Variants in PTPRN2 observed in about 807,000 individuals in gnomAD.
The protein encoded by PTPRN2 is protein tyrosine phosphatase receptor type N2.
Under a neutral mutation model 118.8 loss-of-function variants are expected in PTPRN2, and 74 were observed. The ratio of observed to expected loss-of-function variants is 0.62; its 90% CI spans 0.52 to 0.76. PTPRN2 has a LOEUF of 0.76. PTPRN2 is among the 30% of genes least tolerant of loss of function. PTPRN2 has a pLI of 0.00. For synonymous variants in PTPRN2, 641 were observed against 608.0 expected (o/e 1.05, Z -0.80); for missense variants, 1,481 against 1,394.4 (o/e 1.06, Z -0.99).
chr7:158,020,144 G>A (rs77459415), intron 11 of PTPRN2, among the ~76,000 whole-genome samples: 2,250 of 152,270 alleles, frequency 0.015, 57 homozygotes, highest in African/African-American at 0.052. Flanking sequence ...CAGAGCCCAG[G>A]TGGGGTGACC....
At chr7:157,965,090 C>G (rs945328390) in intron 11 of PTPRN2, among the ~76,000 whole-genome samples, 2 of 152,272 alleles carry the variant, frequency 1.3e-5, no homozygotes, top group Middle Eastern at 3.4e-3. Flanking sequence ...AGAAAGGGAT[C>G]TCCAGACAGG....
intron 10 of PTPRN2, among the ~76,000 whole-genome samples, chr7:158,089,176 AC>A (rs369270003): frequency 8.3e-5 from 2 of 24,024 alleles, no homozygotes; most frequent in Non-Finnish European, 1.1e-4. Flanking sequence ...GTCTTCACAC[AC>A]ATCCTTCTTC....
In PTPRN2 at chr7:158,517,056, C is replaced by A. The variant is rs536282354; in HGVS notation, c.113-27271G>T. 1.1e-4 allele frequency among the ~76,000 whole-genome samples: 16 copies of A among 152,214 alleles called. No homozygotes were observed. The highest frequency in any genetic ancestry group is 1.3e-4 in the Admixed American group (2 of 15,284). ...ACTAGACCTGGGGCACCTTGGGCCC[C>A]AGCATGGTGCCTCACTGATTTTGGA... On this transcript the variant is annotated intron_variant, in intron 1 of 22. Coordinates refer to ENST00000389418, the MANE Select transcript of PTPRN2 (RefSeq NM_002847.5). This position sits in a 1 kb window ranked among gnomAD's most constrained non-coding sequence, Gnocchi z 5.3.
chr7:158,559,039 C>G (rs1279440659), intron 1 of PTPRN2, among the ~76,000 whole-genome samples: 2 of 152,170 alleles, frequency 1.3e-5, no homozygotes, highest in African/African-American at 4.8e-5. Flanking sequence ...AAACCCAGAC[C>G]CAGTGAGGCC....
chr7:158,468,823 C>CTGGT (rs1164432610), intron 2 of PTPRN2, among the ~76,000 whole-genome samples: 1 of 150,422 alleles, frequency 6.6e-6, no homozygotes, highest in East Asian at 2.0e-4. Context: ...ACGCACACTC[C>CTGGT]CGATCAACAA....
chr7:157,951,545 C>A (rs1800807687), intron 11 of PTPRN2, among the ~76,000 whole-genome samples: 1 of 152,180 alleles, frequency 6.6e-6, no homozygotes, highest in Non-Finnish European at 1.5e-5. Flanking sequence ...TCTGGGACCC[C>A]CCTTCCACTG....
chr7:158,587,547 C>T lies in PTPRN2; in HGVS notation c.112+11G>A. ...CATTGAGGCGCCCCTCCCCCGGCGC[C>T]CCCCACTCACCCAGACGCCCCGGGA... On this transcript the variant is annotated intron_variant, in intron 1 of 22. Coordinates refer to ENST00000389418, the MANE Select transcript of PTPRN2 (RefSeq NM_002847.5). 1 of 1,272,050 alleles carries T rather than the reference C, an allele frequency of 7.9e-7. No individual in the cohort carries two copies. 78.8% of individuals were successfully genotyped at this position (1,272,050 alleles called of 1,614,324 possible).
intron 1 of PTPRN2, among the ~76,000 whole-genome samples, chr7:158,523,513 C>CGTCTGCCCTGAAGCGGA (rs1824417632): frequency 7.8e-6 from 1 of 127,922 alleles, no homozygotes; most frequent in Non-Finnish European, 1.6e-5. Context: ...GGAGTGGAGT[C>CGTCTGCCCTGAAGCGGA]GTCTGCCCTG....
In PTPRN2 at chr7:157,590,555, G is replaced by A. The variant is rs186816941; in HGVS notation, c.2496+4683C>T. On this transcript the variant is annotated intron_variant, in intron 17 of 22. Coordinates refer to ENST00000389418, the MANE Select transcript of PTPRN2 (RefSeq NM_002847.5). This position sits in a 1 kb window ranked among gnomAD's most constrained non-coding sequence, Gnocchi z 4.0. ...CTGGTTCACTGCAGGAAAGCACCAT[G>A]TGTGCAGTGAGTGGTGACCCTCCGT... Among the ~76,000 whole-genome samples, 115 of 152,356 alleles carry A rather than the reference G, an allele frequency of 7.5e-4. No individual in the cohort carries two copies. Among genetic ancestry groups the A allele is most frequent in the Non-Finnish European group, 1.5e-4 (10 of 68,042 alleles).
chr7:157,999,147 G>T (rs1805026600), intron 11 of PTPRN2, among the ~76,000 whole-genome samples: 1 of 151,896 alleles, frequency 6.6e-6, no homozygotes, highest in South Asian at 2.1e-4. Flanking sequence ...CCCACAGCCA[G>T]CCCCTCACAC....
chr7:158,455,918 GACGCC>G (rs1818443969), intron 2 of PTPRN2, among the ~76,000 whole-genome samples: 1 of 146,712 alleles, frequency 6.8e-6, no homozygotes, highest in African/African-American at 2.6e-5. Flanking sequence ...TAACAGCATG[GACGCC>G]ATTGGCCATG....
At chr7:158,429,296 G>T (rs913983658) in intron 2 of PTPRN2, among the ~76,000 whole-genome samples, 1 of 152,208 alleles carries the variant, frequency 6.6e-6, no homozygotes, top group African/African-American at 2.4e-5. Flanking sequence ...CGTTCCAGCA[G>T]ATCCACAGCC....
chr7:158,156,674 G>A (rs1326670970), intron 6 of PTPRN2, among the ~76,000 whole-genome samples: 1 of 152,218 alleles, frequency 6.6e-6, no homozygotes, highest in African/African-American at 2.4e-5. Context: ...GGGGCTTCGA[G>A]CCCCCAGTTC....
intron 2 of PTPRN2, among the ~76,000 whole-genome samples, chr7:158,365,289 G>A (rs1012911683): frequency 1.3e-5 from 2 of 152,210 alleles, no homozygotes; most frequent in Non-Finnish European, 2.9e-5. Context: ...GGCCAGCGGG[G>A]CTGGAGGCAG....
At chr7:157,576,090 A>G (rs542356123) in intron 19 of PTPRN2, among the ~76,000 whole-genome samples, 1 of 152,326 alleles carries the variant, frequency 6.6e-6, no homozygotes, top group South Asian at 2.1e-4. Flanking sequence ...GTATTGGGTG[A>G]CTGGCTGACT....
At chr7:158,187,391 T>C (rs1825259706) in intron 5 of PTPRN2, among the ~76,000 whole-genome samples, 1 of 152,142 alleles carries the variant, frequency 6.6e-6, no homozygotes, top group Non-Finnish European at 1.5e-5. Flanking sequence ...AGATCGTCAG[T>C]ATATAAAGCT....
intron 8 of PTPRN2, among the ~76,000 whole-genome samples, chr7:158,136,204 T>C (rs1818795744): frequency 6.6e-6 from 1 of 152,220 alleles, no homozygotes; most frequent in Non-Finnish European, 1.5e-5. Context: ...CTTTCATTTA[T>C]TTAATTTTAT....
chr7:158,532,634 C>G, intron 1 of PTPRN2: 1 of 472,392 alleles, frequency 2.1e-6, no homozygotes. Context: ...CGTCACTAAA[C>G]TTCAAAAACC....
chr7:158,247,610 C>T (rs1054457900), intron 3 of PTPRN2, among the ~76,000 whole-genome samples: 6 of 146,272 alleles, frequency 4.1e-5, no homozygotes, highest in East Asian at 4.3e-4. Context: ...TGGGTGTCTG[C>T]GGTTTTTTTG....
Sources: gnomAD v4.1 joint callset for allele counts (sites outside exome capture counted in the v4.1 genomes callset) on GRCh38, gnomAD v4.1.1 for gene constraint, Gnocchi (gnomAD v3.1) non-coding constraint, MANE v1.5 for transcripts, NCBI Gene and HGNC (gene_info 2026-07-23, HGNC 2026-07-21) for gene names.